CHD9: variants seen among roughly 807,000 people sequenced by gnomAD.
The protein encoded by CHD9 is ATP-dependent chromatin remodeler CHD9.
Under a neutral mutation model 316.1 loss-of-function variants are expected in CHD9, and 77 were observed. The ratio of observed to expected loss-of-function variants is 0.24; its 90% CI spans 0.20 to 0.29. The LOEUF (loss-of-function observed/expected upper bound fraction) is 0.29. Among genes scored for constraint, CHD9 ranks in the 10% least tolerant of loss-of-function variants. The pLI, the probability that CHD9 is intolerant of heterozygous loss-of-function variation, is 1.00. For missense variants in CHD9, 2,763 were observed against 3,438.1 expected (o/e 0.80, Z 4.91); for synonymous variants, 1,129 against 1,158.3 (o/e 0.97, Z 0.51).
intron 16 of CHD9, 47 bp from the exon 17 acceptor site, chr16:53,249,824 G>A (rs750316398): frequency 3.8e-5 from 54 of 1,431,164 alleles, no homozygotes; most frequent in Middle Eastern, 1.8e-4. Context: ...TATGTCTTCA[G>A]TTTTATTATA....
At chr16:53,102,885 A>G (rs1446533545) in intron 1 of CHD9, among the ~76,000 whole-genome samples, 2 of 151,842 alleles carry the variant, frequency 1.3e-5, no homozygotes, top group Non-Finnish European at 2.9e-5. Flanking sequence ...TTGCTCTGTC[A>G]CTCAGGCTGG....
chr16:53,268,129 A>G lies in CHD9; in HGVS notation c.4717+3A>G. 1 of 1,589,344 alleles carries G rather than the reference A, an allele frequency of 6.3e-7. No individual in the cohort carries two copies. Among genetic ancestry groups the G allele is most frequent in the Non-Finnish European group, 8.6e-7 (1 of 1,165,494 alleles). On this transcript the variant is annotated splice_donor_region_variant and intron_variant, in intron 22 of 38. Coordinates refer to ENST00000447540, the MANE Select transcript of CHD9 (RefSeq NM_001308319.2). The stretch of plus-strand genomic sequence containing the variant: ...ACGAGAGCTACAGAATCATCTAGGT[A>G]AGAACATTGTTTCATTTGCTTTTAA...
intron 12 of CHD9, among the ~76,000 whole-genome samples, chr16:53,241,475 C>G (rs1439599479): frequency 2.0e-5 from 3 of 152,206 alleles, no homozygotes; most frequent in Non-Finnish European, 4.4e-5. Flanking sequence ...AGTGTAAACT[C>G]TTTCCTAAAT....
chr16:53,285,583 G>T lies in CHD9; in HGVS notation c.4968-13G>T. On this transcript the variant is annotated splice_polypyrimidine_tract_variant and intron_variant, in intron 24 of 38. Transcript: ENST00000447540. ...ATAATAATTCATAATGCCATATTAT[G>T]ATTTTTTTAAAGTGACATTGATGTT... 2 of 1,540,800 alleles carry T rather than the reference G, an allele frequency of 1.3e-6. No individual in the cohort carries two copies. Among genetic ancestry groups the T allele is most frequent in the South Asian group, 2.4e-5 (2 of 84,672 alleles).
At chr16:53,146,931 AT>A (rs1201504911) in intron 1 of CHD9, among the ~76,000 whole-genome samples, 3 of 151,964 alleles carry the variant, frequency 2.0e-5, no homozygotes, top group Non-Finnish European at 4.4e-5. Context: ...TTCACAAAAT[AT>A]TTTTTTAAAC....
intron 2 of CHD9, among the ~76,000 whole-genome samples, chr16:53,170,356 G>A (rs1052357417): frequency 6.6e-6 from 1 of 152,178 alleles, no homozygotes; most frequent in African/African-American, 2.4e-5. Flanking sequence ...TGTCGTAACC[G>A]ATTGCCATCA....
chr16:53,299,482 T>G (rs144369800), intron 30 of CHD9: 2 of 265,828 alleles, frequency 7.5e-6, no homozygotes, highest in Non-Finnish European at 1.5e-5. Context: ...TATATCAGTC[T>G]GCGCTCTGCA....
intron 1 of CHD9, among the ~76,000 whole-genome samples, chr16:53,062,902 A>G (rs1382265440): frequency 6.6e-6 from 1 of 152,080 alleles, no homozygotes; most frequent in Non-Finnish European, 1.5e-5. Context: ...CATGCCTGTA[A>G]TCCCAGATAC....
rs148391879 is a variant in CHD9 at position 53,088,667 on chromosome 16, G to A, written c.-165+33590G>A. 1.4e-3 allele frequency among the ~76,000 whole-genome samples: 213 copies of A among 152,254 alleles called. 1 individual carries two copies. Among genetic ancestry groups the A allele is most frequent in the African/African-American group, 4.8e-3 (200 of 41,558 alleles). ...TGGTTCATTACAGGGCATTGCAGGG[G>A]TGTTGGGCATGGTTACCCAAATGAA... is the stretch of plus-strand genomic sequence containing the variant. On this transcript the variant is annotated intron_variant, in intron 1 of 38. Coordinates refer to ENST00000447540, the MANE Select transcript of CHD9 (RefSeq NM_001308319.2).
chr16:53,079,459 A>C (rs1365205962), intron 1 of CHD9, among the ~76,000 whole-genome samples: 1 of 152,250 alleles, frequency 6.6e-6, no homozygotes, highest in Non-Finnish European at 1.5e-5. Flanking sequence ...CTGTGGTATA[A>C]TACAAAAATA....
intron 2 of CHD9, among the ~76,000 whole-genome samples, chr16:53,184,587 C>A (rs760940968): frequency 1.3e-5 from 2 of 152,166 alleles, no homozygotes; most frequent in African/African-American, 4.8e-5. Context: ...TCAAGTGATC[C>A]TCCCACCTCA....
intron 1 of CHD9, among the ~76,000 whole-genome samples, chr16:53,067,661 C>A (rs1186115196): frequency 6.6e-6 from 1 of 152,078 alleles, no homozygotes; most frequent in Non-Finnish European, 1.5e-5. Flanking sequence ...TGGGTTTTGA[C>A]GCGGAAGACC....
intron 1 of CHD9, among the ~76,000 whole-genome samples, chr16:53,146,437 A>ATATATATATATATATAT (rs58622741): frequency 2.4e-4 from 31 of 129,640 alleles, no homozygotes; most frequent in Middle Eastern, 3.8e-3. Flanking sequence ...ATATATATAT[A>ATATATATATATATATAT]ATTAAAAAGT....
intron 3 of CHD9, among the ~76,000 whole-genome samples, chr16:53,217,039 A>T (rs2152892129): frequency 6.6e-6 from 1 of 152,270 alleles, no homozygotes; most frequent in Admixed American, 6.5e-5. Flanking sequence ...GACCTCATGC[A>T]AGTTTTGTCG....
rs576396490 is a variant in CHD9, at chr16:53,101,065, T to A, written c.-165+45988T>A. Among the ~76,000 whole-genome samples the A allele has an allele frequency of 1.0e-3, 155 of 152,326 alleles. 2 individuals carry two copies. In the Middle Eastern group the frequency reaches 0.031, roughly 30 times the overall value. ...GCCTGCCTCTGGGTGTGTTCACAAG[T>A]GTAAATAGAAAGCTGTAGCCTCTGG... On this transcript the variant is annotated intron_variant, in intron 1 of 38. Coordinates refer to ENST00000447540, the MANE Select transcript of CHD9 (RefSeq NM_001308319.2).
intron 1 of CHD9, among the ~76,000 whole-genome samples, chr16:53,132,014 G>A (rs956290235): frequency 6.6e-6 from 1 of 152,196 alleles, no homozygotes; most frequent in Admixed American, 6.5e-5. Flanking sequence ...AGCACTACCC[G>A]GAAAGCCCGG....
chr16:53,124,765 C>A (rs145207975), intron 1 of CHD9, among the ~76,000 whole-genome samples: 152 of 152,174 alleles, frequency 1.0e-3, no homozygotes, highest in African/African-American at 3.6e-3. Flanking sequence ...CAGGTGTGAG[C>A]CACCACACCC....
chr16:53,095,454 C>T (rs1215145509), intron 1 of CHD9, among the ~76,000 whole-genome samples: 2 of 151,860 alleles, frequency 1.3e-5, no homozygotes, highest in East Asian at 1.9e-4. Context: ...GAGGCTGAGG[C>T]AGGAGGATTG....
chr16:53,057,019 A>T (rs11641331), intron 1 of CHD9, among the ~76,000 whole-genome samples: 42,124 of 151,970 alleles, frequency 0.28, 7,330 homozygotes, highest in Non-Finnish European at 0.39. Context: ...CTTAAAAAAA[A>T]TTTGTTTGTG....
Sources: gnomAD v4.1 joint callset for allele counts (sites outside exome capture counted in the v4.1 genomes callset) on GRCh38, gnomAD v4.1.1 for gene constraint, MANE v1.5 for transcripts, NCBI Gene and HGNC (gene_info 2026-07-23, HGNC 2026-07-21) for gene names.